Variants in VPS13B observed in about 807,000 individuals in gnomAD.
VPS13B encodes the protein vacuolar protein sorting 13 homolog B.
In VPS13B, 285 loss-of-function variants were observed where a neutral mutation model predicts 426.4. The ratio of observed to expected loss-of-function variants is 0.67; its 90% confidence interval spans 0.61 to 0.74. The LOEUF (loss-of-function observed/expected upper bound fraction) is 0.74, where lower values mean the gene tolerates loss of function less well. Ranked by LOEUF, VPS13B falls within the 30% of genes least tolerant of loss-of-function variation. The pLI is 0.00. For missense variants in VPS13B, 4,537 were observed against 4,782.6 expected (o/e 0.95, Z 1.51); for synonymous variants, 1,676 against 1,676.4 (o/e 1.00, Z 0.01).
chr8:99,205,415 G>A (rs1006862006), intron 17 of VPS13B, among the ~76,000 whole-genome samples: 3 of 152,158 alleles, frequency 2.0e-5, no homozygotes, highest in Admixed American at 6.5e-5. Context: ...ATGACGGGTT[G>A]ATGGGTGGCT....
intron 33 of VPS13B, among the ~76,000 whole-genome samples, chr8:99,608,867 A>G (rs776234039): frequency 6.6e-6 from 1 of 152,090 alleles, no homozygotes; most frequent in Non-Finnish European, 1.5e-5. Flanking sequence ...TTGTATAGAT[A>G]TATACCATAG....
chr8:99,538,467 A>G lies in VPS13B; in HGVS notation c.4745+17457A>G, dbSNP rs1823378852. 3.3e-5 allele frequency among the ~76,000 whole-genome samples: 5 copies of G among 152,110 alleles called. 1 individual carries two copies. The highest frequency in any genetic ancestry group is 4.1e-4 in the South Asian group (2 of 4,826). The stretch of plus-strand genomic sequence containing the variant: ...TCATTTAGCACTTGACAATTTGACA[A>G]TGATAGCTCTAAAGGAATATATGCT... On this transcript the variant is annotated intron_variant, in intron 30 of 61. Transcript: ENST00000357162.
At chr8:99,603,828 T>C (rs962909732) in intron 33 of VPS13B, among the ~76,000 whole-genome samples, 11 of 152,196 alleles carry the variant, frequency 7.2e-5, no homozygotes, top group African/African-American at 2.7e-4. Context: ...AACATGCCCA[T>C]TTGATGATTT....
chr8:99,077,947 T>C (rs1251153717), intron 3 of VPS13B, among the ~76,000 whole-genome samples: 1 of 152,196 alleles, frequency 6.6e-6, no homozygotes, highest in East Asian at 1.9e-4. Flanking sequence ...AGAAATTCTT[T>C]CTGTTGCTTG....
intron 30 of VPS13B, among the ~76,000 whole-genome samples, chr8:99,553,805 A>T: frequency 6.6e-6 from 1 of 152,182 alleles, no homozygotes. Flanking sequence ...AGTATGTCAC[A>T]TATATGTCAA....
intron 21 of VPS13B, among the ~76,000 whole-genome samples, chr8:99,419,063 G>T (rs1457196436): frequency 6.6e-6 from 1 of 152,194 alleles, no homozygotes; most frequent in East Asian, 1.9e-4. Context: ...ATCTCATGTG[G>T]AATTGTAATC....
chr8:99,253,198 C>T (rs1817587064), intron 17 of VPS13B, among the ~76,000 whole-genome samples: 1 of 152,052 alleles, frequency 6.6e-6, no homozygotes, highest in Non-Finnish European at 1.5e-5. Flanking sequence ...AATAATATTT[C>T]ATAGTATGGT....
At chr8:99,728,068 A>T (rs776251205) in intron 39 of VPS13B, among the ~76,000 whole-genome samples, 23 of 152,236 alleles carry the variant, frequency 1.5e-4, no homozygotes, top group Admixed American at 3.3e-4. Flanking sequence ...ATCAGTATCC[A>T]GACTGCTTGG....
chr8:99,099,108 A>G (rs1846593652), intron 4 of VPS13B, among the ~76,000 whole-genome samples: 1 of 152,134 alleles, frequency 6.6e-6, no homozygotes. Flanking sequence ...CTCCTACAGT[A>G]ATTGCCCAAA....
Position 99,641,799 on chromosome 8 carries a change from TTTTTC to T in VPS13B, c.5221-9_5221-5del, listed in dbSNP as rs765003600. 6.9e-6 allele frequency: 11 copies of T among 1,603,702 alleles called. No homozygotes were observed. In the South Asian group the frequency reaches 1.0e-4, roughly 15 times the overall value. ...AACTAGTTTGAAATATTTTATTACT[TTTTTC>T]TTACAGATCTCTAAACAAGAACAGA... is the stretch of plus-strand genomic sequence containing the variant. On this transcript the variant is annotated splice_polypyrimidine_tract_variant and splice_region_variant and intron_variant, in intron 33 of 61. Transcript: ENST00000357162.
chr8:99,632,705 A>G (rs1828896128), intron 33 of VPS13B, among the ~76,000 whole-genome samples: 2 of 152,044 alleles, frequency 1.3e-5, no homozygotes. Context: ...TCTCTCTAAC[A>G]TCTTAGCCAT....
intron 33 of VPS13B, among the ~76,000 whole-genome samples, chr8:99,592,340 G>C (rs1432519583): frequency 6.6e-6 from 1 of 152,016 alleles, no homozygotes; most frequent in African/African-American, 2.4e-5. Context: ...GTCATTCTCT[G>C]TCCTGCTTTG....
At chr8:99,627,134 G>A (rs1411142055) in intron 33 of VPS13B, among the ~76,000 whole-genome samples, 2 of 152,056 alleles carry the variant, frequency 1.3e-5, no homozygotes, top group African/African-American at 4.8e-5. Context: ...AGGGGATGGG[G>A]AGTTGTTGAT....
chr8:99,627,536 A>G (rs908108122), intron 33 of VPS13B, among the ~76,000 whole-genome samples: 4 of 152,116 alleles, frequency 2.6e-5, no homozygotes, highest in Non-Finnish European at 5.9e-5. Context: ...GGGGCACACC[A>G]CCACGCCCAG....
At chr8:99,123,925 G>A (rs368720876) in intron 8 of VPS13B, among the ~76,000 whole-genome samples, 3 of 152,144 alleles carry the variant, frequency 2.0e-5, no homozygotes, top group Non-Finnish European at 4.4e-5. Context: ...TAACTTAGTG[G>A]AGAGTTGGAT....
intron 25 of VPS13B, among the ~76,000 whole-genome samples, chr8:99,486,867 G>A (rs866553932): frequency 1.3e-5 from 2 of 151,926 alleles, no homozygotes; most frequent in Non-Finnish European, 2.9e-5. Flanking sequence ...TTTTGCTATC[G>A]TATTAGAAAA....
At chr8:99,324,716 T>G (rs1212305607) in intron 19 of VPS13B, among the ~76,000 whole-genome samples, 1 of 152,228 alleles carries the variant, frequency 6.6e-6, no homozygotes, top group Admixed American at 6.5e-5. Context: ...GATCACGTAT[T>G]TCAAGTGACA....
intron 51 of VPS13B, among the ~76,000 whole-genome samples, chr8:99,830,194 C>G (rs924488600): frequency 6.6e-6 from 1 of 152,184 alleles, no homozygotes; most frequent in Non-Finnish European, 1.5e-5. Context: ...TGAAGCTGTG[C>G]CCACAGCTGC....
chr8:99,362,217 C>T (rs1812609108), intron 19 of VPS13B, among the ~76,000 whole-genome samples: 2 of 148,588 alleles, frequency 1.3e-5, no homozygotes, highest in South Asian at 4.3e-4. Context: ...ATCTGGCTCA[C>T]TGCAAGCTCC....
Sources: gnomAD v4.1 joint callset for allele counts (sites outside exome capture counted in the v4.1 genomes callset) on GRCh38, gnomAD v4.1.1 for gene constraint, MANE v1.5 for transcripts, NCBI Gene and HGNC (gene_info 2026-07-23, HGNC 2026-07-21) for gene names.